The following KALRN variants were observed in gnomAD, a reference collection of about 807,000 sequenced individuals.
KALRN encodes the protein kalirin.
Under a neutral mutation model 353.7 loss-of-function variants are expected in KALRN, and 70 were observed. The ratio of observed to expected loss-of-function variants is 0.20; its 90% confidence interval spans 0.16 to 0.24. The LOEUF is 0.24. KALRN is among the 10% of genes least tolerant of loss of function. KALRN has a pLI of 1.00. For missense variants in KALRN, 2,791 were observed against 3,756.7 expected (o/e 0.74, Z 6.72); for synonymous variants, 1,391 against 1,434.8 (o/e 0.97, Z 0.69).
intron 25 of KALRN, among the ~76,000 whole-genome samples, chr3:124,469,127 A>G (rs1432875525): frequency 6.6e-6 from 1 of 152,242 alleles, no homozygotes; most frequent in Non-Finnish European, 1.5e-5. Context: ...GTATATATCT[A>G]TGCAAATAAC....
At chr3:124,547,580 A>G (rs1276517941) in intron 33 of KALRN, among the ~76,000 whole-genome samples, 1 of 152,194 alleles carries the variant, frequency 6.6e-6, no homozygotes, top group African/African-American at 2.4e-5. Context: ...TGCTAGGGTT[A>G]TAGGGCATGA....
At chr3:124,480,799 C>T (rs2108202209) in intron 27 of KALRN, among the ~76,000 whole-genome samples, 1 of 152,320 alleles carries the variant, frequency 6.6e-6, no homozygotes, top group Non-Finnish European at 1.5e-5. Flanking sequence ...AAAATTGAGT[C>T]ATAATACATG....
intron 37 of KALRN, among the ~76,000 whole-genome samples, chr3:124,647,182 C>T (rs2082867051): frequency 6.6e-6 from 1 of 152,174 alleles, no homozygotes; most frequent in South Asian, 2.1e-4. Flanking sequence ...GCTGGCATTA[C>T]AGGCGTGAGC....
intron 1 of KALRN, among the ~76,000 whole-genome samples, chr3:124,138,171 C>T (rs1253542925): frequency 3.9e-5 from 6 of 152,162 alleles, no homozygotes; most frequent in Non-Finnish European, 8.8e-5. Context: ...TTCTCTTTGC[C>T]CCTCACTGCC....
At chr3:124,590,998 C>G (rs1010342946) in intron 34 of KALRN, among the ~76,000 whole-genome samples, 1 of 152,172 alleles carries the variant, frequency 6.6e-6, no homozygotes, top group Non-Finnish European at 1.5e-5. Context: ...AGAGGCAGGA[C>G]TGACCCAACT....
At chr3:124,499,053 A>G (rs563855608) in intron 33 of KALRN, among the ~76,000 whole-genome samples, 1 of 152,324 alleles carries the variant, frequency 6.6e-6, no homozygotes, top group African/African-American at 2.4e-5. Context: ...AGCTCACCCA[A>G]TTCAGACTCA....
chr3:124,394,242 G>A (rs931792201), intron 11 of KALRN, among the ~76,000 whole-genome samples: 1 of 152,148 alleles, frequency 6.6e-6, no homozygotes, highest in East Asian at 1.9e-4. Flanking sequence ...TCCTGGTAGA[G>A]CCCTGAGCTT....
intron 37 of KALRN, among the ~76,000 whole-genome samples, chr3:124,647,202 C>T (rs74281220): frequency 0.046 from 7,065 of 152,186 alleles, 285 homozygotes; most frequent in East Asian, 0.21. Context: ...CCACCATTCC[C>T]GGCCAAGTCT....
chr3:124,659,495 A>T (rs762127947), intron 43 of KALRN, 38 bp downstream of exon 43: 2 of 1,388,966 alleles, frequency 1.4e-6, no homozygotes, highest in South Asian at 2.3e-5. Context: ...CTGGAGAAGG[A>T]TCCATCAGGC....
intron 16 of KALRN, among the ~76,000 whole-genome samples, chr3:124,432,295 TC>T (rs757745240): frequency 1.2e-4 from 18 of 151,832 alleles, no homozygotes; most frequent in Non-Finnish European, 2.2e-4. Context: ...GTACTTGTAA[TC>T]CCAGCTACTC....
chr3:124,549,627 A>G (rs2070217728), intron 33 of KALRN, among the ~76,000 whole-genome samples: 1 of 152,202 alleles, frequency 6.6e-6, no homozygotes, highest in Non-Finnish European at 1.5e-5. Context: ...ACATATATAC[A>G]CACAAGCCAT....
At chr3:124,138,900 C>A (rs767747230) in intron 1 of KALRN, among the ~76,000 whole-genome samples, 2 of 152,098 alleles carry the variant, frequency 1.3e-5, no homozygotes, top group African/African-American at 2.4e-5. Context: ...TGTGAGGGAG[C>A]CCAAAAGTTG....
chr3:124,634,505 G>A (rs1157044709), intron 36 of KALRN, among the ~76,000 whole-genome samples: 15 of 152,130 alleles, frequency 9.9e-5, no homozygotes, highest in Non-Finnish European at 1.8e-4. Flanking sequence ...TCCCCGGCCC[G>A]CTGGCATGCA....
chr3:124,277,210 T>G lies in KALRN; in HGVS notation c.969+7955T>G, dbSNP rs149424457. Among the ~76,000 whole-genome samples the G allele has an allele frequency of 1.4e-4, 21 of 152,304 alleles. No homozygotes were observed. The East Asian group carries it at 2.9e-3, about 21-fold the overall frequency. ...GTTCAATTGCCTGAGCCCTTCATGT[T>G]GGGAGGGAGGCTTCAAAGAGCTGTG... On this transcript the variant is annotated intron_variant, in intron 5 of 59. Coordinates refer to ENST00000682506, the MANE Select transcript of KALRN (RefSeq NM_001388419.1).
chr3:124,621,705 C>A (rs2079289591), intron 34 of KALRN, among the ~76,000 whole-genome samples: 1 of 152,236 alleles, frequency 6.6e-6, no homozygotes. Context: ...GGCCCAGGCA[C>A]CAAGATGGCT....
At chr3:124,158,934 C>T (rs978308008) in intron 1 of KALRN, among the ~76,000 whole-genome samples, 2 of 152,150 alleles carry the variant, frequency 1.3e-5, no homozygotes, top group African/African-American at 4.8e-5. Context: ...AGTCAAACTC[C>T]CCAGTTGCTT....
rs754154298 is a variant in KALRN, at chr3:124,461,917, A to G, written c.3882A>G (p.Thr1294=). Residue 1294 remains threonine (T), a synonymous_variant, in exon 24 of 60, where the codon ACA becomes ACG. Transcript: ENST00000682506. ...TTATTATGGCTGAACTACTCCAGACAGAGAAGGCTTATGTAAGGGATTTGC... is the reference window on the plus strand; with the variant it reads ...TTATTATGGCTGAACTACTCCAGACGGAGAAGGCTTATGTAAGGGATTTGC... ...KEFIMAELLQ[T]EKAYVRDLHE... The G allele has an allele frequency of 1.2e-6, 2 of 1,613,566 alleles. No homozygotes were observed. The highest frequency in any genetic ancestry group is 2.2e-5 in the South Asian group (2 of 91,064).
At chr3:124,413,798 C>T (rs897898473) in intron 14 of KALRN, 133 bp downstream of exon 14, 1 of 791,404 alleles carries the variant, frequency 1.3e-6, no homozygotes, top group Non-Finnish European at 1.9e-6. Flanking sequence ...TTTTTACCCA[C>T]ATTTTTTTTA....
At chr3:124,236,456 A>G (rs892981427) in intron 3 of KALRN, among the ~76,000 whole-genome samples, 1 of 152,210 alleles carries the variant, frequency 6.6e-6, no homozygotes, top group African/African-American at 2.4e-5. Flanking sequence ...CAGGCATAAA[A>G]CCAGGAATTT....
Sources: allele counts gnomAD v4.1 joint callset (sites outside exome capture counted in the v4.1 genomes callset), GRCh38; gene constraint gnomAD v4.1.1; transcripts MANE v1.5; gene names NCBI Gene and HGNC (gene_info 2026-07-23, HGNC 2026-07-21).